Variants in MBNL2 observed in about 807,000 individuals in gnomAD.
MBNL2 encodes the protein muscleblind like splicing regulator 2.
Under a neutral mutation model 41.9 loss-of-function variants are expected in MBNL2, and 17 were observed. That is an observed-to-expected ratio of 0.41 (90% CI 0.28 to 0.61). The LOEUF (loss-of-function observed/expected upper bound fraction) is 0.61. Ranked by LOEUF, MBNL2 falls within the 20% of genes least tolerant of loss-of-function variation. The pLI is 0.35. For missense variants in MBNL2, 336 were observed against 505.6 expected (o/e 0.66, Z 3.22); for synonymous variants, 195 against 182.9 (o/e 1.07, Z -0.53).
intron 3 of MBNL2, among the ~76,000 whole-genome samples, chr13:97,341,299 C>T (rs1458555446): frequency 6.6e-6 from 1 of 152,166 alleles, no homozygotes; most frequent in Non-Finnish European, 1.5e-5. Context: ...TCTGACAGAG[C>T]TAGTCCACTG....
chr13:97,269,848 ACAC>A (rs1321067163), intron 1 of MBNL2, among the ~76,000 whole-genome samples: 7 of 152,224 alleles, frequency 4.6e-5, no homozygotes, highest in Non-Finnish European at 1.0e-4. Context: ...GAGCAGATCT[ACAC>A]CAGGTCTAAT....
In MBNL2 at chr13:97,391,518, AT is replaced by A; in HGVS notation, c.*71del. 1.0e-5 allele frequency: 8 copies of A among 773,554 alleles called. No individual in the cohort carries two copies. In the South Asian group the frequency reaches 1.1e-4, roughly 11 times the overall value. The allele number at this position is 773,554 out of a possible 1,614,324, so 47.9% of individuals were successfully genotyped here. A position where few individuals can be genotyped will look rare whatever the true frequency, so the allele number is the denominator to read the frequency against. On this transcript the variant is annotated 3_prime_UTR_variant, in exon 9 of 9. Coordinates refer to ENST00000679496, the MANE Select transcript of MBNL2 (RefSeq NM_001382683.1). ...TAGTGCTGCTATCTCATATATGAGT[AT>A]TAAATATGGTATGCTTAGTATATTC...
upstream of MBNL2, among the ~76,000 whole-genome samples, chr13:97,217,736 A>C (rs1046402712): frequency 6.6e-6 from 1 of 152,340 alleles, no homozygotes; most frequent in Non-Finnish European, 1.5e-5. Context: ...ATGAGGAGAC[A>C]TGGAGTGAGT....
the MBNL2 span, among the ~76,000 whole-genome samples, chr13:97,201,669 G>T: frequency 1.3e-5 from 2 of 152,014 alleles, no homozygotes; most frequent in African/African-American, 4.8e-5. Flanking sequence ...TCTTCAGAAG[G>T]TTCTATAAGT....
intron 7 of MBNL2, among the ~76,000 whole-genome samples, chr13:97,363,418 C>CTCTGTGTG (rs1427263369): frequency 1.5e-5 from 2 of 136,646 alleles, no homozygotes; most frequent in African/African-American, 5.7e-5. Context: ...GAAAGAAAAA[C>CTCTGTGTG]TGTGTGTGTG....
chr13:97,162,690 C>T, the MBNL2 span, among the ~76,000 whole-genome samples: 2 of 152,206 alleles, frequency 1.3e-5, no homozygotes, highest in Non-Finnish European at 2.9e-5. Flanking sequence ...TTGTGCAGCT[C>T]AGCCTCTCTC....
At chr13:97,170,146 C>T in the MBNL2 span, among the ~76,000 whole-genome samples, 1 of 152,166 alleles carries the variant, frequency 6.6e-6, no homozygotes, top group Non-Finnish European at 1.5e-5. Flanking sequence ...TGTCAATTTC[C>T]TTACTTGCCT....
the MBNL2 span, among the ~76,000 whole-genome samples, chr13:97,199,862 T>C: frequency 6.6e-6 from 1 of 152,234 alleles, no homozygotes; most frequent in Non-Finnish European, 1.5e-5. Context: ...CTGCTTTGTA[T>C]GATAAAACCT....
At chr13:97,336,805 G>A (rs184779667) in intron 3 of MBNL2, among the ~76,000 whole-genome samples, 390 of 152,230 alleles carry the variant, frequency 2.6e-3, no homozygotes, top group South Asian at 0.013. Flanking sequence ...AGCAGTTACC[G>A]GAAACTAATA....
chr13:97,173,733 A>G, the MBNL2 span, among the ~76,000 whole-genome samples: 1 of 152,054 alleles, frequency 6.6e-6, no homozygotes, highest in South Asian at 2.1e-4. Flanking sequence ...TTGTTCCCCC[A>G]CAAACAGCAG....
chr13:97,146,853 T>G, the MBNL2 span, among the ~76,000 whole-genome samples: 1 of 152,166 alleles, frequency 6.6e-6, no homozygotes, highest in African/African-American at 2.4e-5. Flanking sequence ...GCTTGGATGT[T>G]TCCCTCTCAA....
chr13:97,164,623 C>CT, the MBNL2 span, among the ~76,000 whole-genome samples: 102 of 146,568 alleles, frequency 7.0e-4, 1 homozygote, highest in East Asian at 2.8e-3. Flanking sequence ...CTAACAGAAA[C>CT]TTTTTTTTTT....
intron 2 of MBNL2, among the ~76,000 whole-genome samples, chr13:97,300,165 T>TA (rs1269293490): frequency 6.6e-6 from 1 of 152,128 alleles, no homozygotes; most frequent in Non-Finnish European, 1.5e-5. Context: ...ACTGTACACA[T>TA]CACTTCCACT....
chr13:97,357,272 C>T (rs1156836652), intron 6 of MBNL2, among the ~76,000 whole-genome samples: 2 of 152,116 alleles, frequency 1.3e-5, no homozygotes, highest in Admixed American at 6.5e-5. Flanking sequence ...AGTTGAGATG[C>T]TACCGTTTTG....
At chr13:97,311,175 G>A (rs1212757577) in intron 2 of MBNL2, among the ~76,000 whole-genome samples, 2 of 152,146 alleles carry the variant, frequency 1.3e-5, no homozygotes, top group African/African-American at 4.8e-5. Flanking sequence ...TGAAAGTGCA[G>A]AACTGTAAAG....
chr13:97,218,166 T>G (rs1027799975), upstream of MBNL2, among the ~76,000 whole-genome samples: 1 of 152,080 alleles, frequency 6.6e-6, no homozygotes, highest in Non-Finnish European at 1.5e-5. Context: ...ATCCCAGCAC[T>G]TTGGGAGGCT....
intron 1 of MBNL2, among the ~76,000 whole-genome samples, chr13:97,270,167 G>A (rs1785483724): frequency 6.6e-6 from 1 of 152,132 alleles, no homozygotes; most frequent in Admixed American, 6.5e-5. Context: ...ACTAATAGAA[G>A]AAATGCAAAA....
At chr13:97,193,832 G>A in the MBNL2 span, among the ~76,000 whole-genome samples, 1 of 152,148 alleles carries the variant, frequency 6.6e-6, no homozygotes. Context: ...TCTTTCTCGA[G>A]CATCTTCAAT....
At chr13:97,266,139 G>T (rs2049734208) in intron 1 of MBNL2, among the ~76,000 whole-genome samples, 1 of 152,090 alleles carries the variant, frequency 6.6e-6, no homozygotes, top group South Asian at 2.1e-4. Flanking sequence ...CTACTTGGGG[G>T]GCCGAGGCAG....
Sources: allele counts gnomAD v4.1 joint callset (sites outside exome capture counted in the v4.1 genomes callset), GRCh38; gene constraint gnomAD v4.1.1; transcripts MANE v1.5; gene names NCBI Gene and HGNC (gene_info 2026-07-23, HGNC 2026-07-21).